SIM1: variants seen among roughly 807,000 people sequenced by gnomAD.
The protein encoded by SIM1 is single-minded homolog 1.
A neutral mutation model predicts 78.2 loss-of-function variants in SIM1; 18 were observed. The ratio of observed to expected loss-of-function variants is 0.23; its 90% CI spans 0.16 to 0.34. The LOEUF (loss-of-function observed/expected upper bound fraction) is 0.34, where lower values mean the gene tolerates loss of function less well. SIM1 is among the 10% of genes least tolerant of loss of function. The pLI is 1.00. For missense variants in SIM1, 939 were observed against 975.1 expected (o/e 0.96, Z 0.49); for synonymous variants, 417 against 385.2 (o/e 1.08, Z -0.97).
At chr6:100,410,286 C>T (rs1278300980) in intron 10 of SIM1, among the ~76,000 whole-genome samples, 1 of 152,078 alleles carries the variant, frequency 6.6e-6, no homozygotes, top group Non-Finnish European at 1.5e-5. Flanking sequence ...GTAGATTCAG[C>T]CATTCTCCTC....
chr6:100,448,658 G>A lies in SIM1; in HGVS notation c.564C>T (p.Tyr188=). 6.2e-7 allele frequency: 1 copy of A among 1,611,854 alleles called. No homozygotes were observed. Among genetic ancestry groups the A allele is most frequent in the Non-Finnish European group, 8.5e-7 (1 of 1,179,938 alleles). The change falls in exon 7 of 12, where the codon TAC becomes TAT. Residue 188 remains tyrosine, a synonymous_variant. Coordinates refer to ENST00000369208, the MANE Select transcript of SIM1 (RefSeq NM_005068.3). ...CCAGGCTGTACTGGCGGATCTTCAA[G>A]TAGCCGCTGCAGTGGATGACCTGAG... ...GGYKVIHCSG[Y]LKIRQYSLDM... is the part of the protein sequence containing the mutation.
At chr6:100,419,369 A>G (rs1771502436) in intron 10 of SIM1, among the ~76,000 whole-genome samples, 1 of 152,200 alleles carries the variant, frequency 6.6e-6, no homozygotes, top group Non-Finnish European at 1.5e-5. Context: ...TCTTAGAGGC[A>G]GAGACCATGT....
At chr6:100,450,150 T>A in intron 4 of SIM1, 117 bp downstream of exon 4, 1 of 785,578 alleles carries the variant, frequency 1.3e-6, no homozygotes, top group Non-Finnish European at 2.2e-6. Context: ...CTGCTAGCTG[T>A]GAGATGTCCA....
intron 2 of SIM1, among the ~76,000 whole-genome samples, chr6:100,460,505 T>C (rs1169318547): frequency 6.6e-6 from 1 of 152,222 alleles, no homozygotes; most frequent in African/African-American, 2.4e-5. Flanking sequence ...ATCCATATAT[T>C]ACCTGTGATA....
intron 10 of SIM1, among the ~76,000 whole-genome samples, chr6:100,412,546 GAAAGAAAGA>G (rs771911792): frequency 0.025 from 1,717 of 69,842 alleles, 132 homozygotes; most frequent in East Asian, 0.059. Flanking sequence ...AAGAAAGAAA[GAAAGAAAGA>G]AAAGAAAGAA....
At chr6:100,412,743 GAAAGAAAGAAAA>G (rs1386669801) in intron 10 of SIM1, among the ~76,000 whole-genome samples, 16 of 130,040 alleles carry the variant, frequency 1.2e-4, no homozygotes, top group Non-Finnish European at 1.3e-4. Context: ...AAGAAAGAAA[GAAAGAAAGAAAA>G]AAGAAAAGAA....
intron 10 of SIM1, among the ~76,000 whole-genome samples, chr6:100,396,588 T>C (rs1380991846): frequency 1.3e-5 from 2 of 152,014 alleles, no homozygotes; most frequent in Non-Finnish European, 2.9e-5. Context: ...CAGGCAGAAG[T>C]TGGGTGGTTC....
rs754541690 is a variant in SIM1, at chr6:100,390,408, C to T, written c.2254G>A (p.Ala752Thr). ...ACAGATGTTCCCTTGTGTCCTTGTG[C>T]TGGGTCTGGTTGCATCCTCAGATGG... ...TSHLRMQPDP[A>T]QGHKGTSVII... Residue 752 changes from alanine to threonine, a missense_variant, in exon 12 of 12, where the codon GCA becomes ACA. Physicochemically the swap from Ala to Thr is moderately conservative, Grantham distance 58. Coordinates refer to ENST00000369208, the MANE Select transcript of SIM1 (RefSeq NM_005068.3). 1 of 1,614,122 alleles carries T rather than the reference C, an allele frequency of 6.2e-7. No homozygotes were observed. Among genetic ancestry groups the T allele is most frequent in the South Asian group, 1.1e-5 (1 of 91,074 alleles).
chr6:100,411,981 G>C (rs1771202350), intron 10 of SIM1, among the ~76,000 whole-genome samples: 1 of 152,090 alleles, frequency 6.6e-6, no homozygotes, highest in Non-Finnish European at 1.5e-5. Context: ...TTCAGGTAGG[G>C]GACCAACAAG....
At chr6:100,413,547 C>G (rs1771318368) in intron 10 of SIM1, among the ~76,000 whole-genome samples, 1 of 152,142 alleles carries the variant, frequency 6.6e-6, no homozygotes. Context: ...GCGACTAAAT[C>G]TAGCCATCCA....
chr6:100,449,657 C>A lies in SIM1; in HGVS notation c.391G>T (p.Ala131Ser). ...ACCGCCGTCATCTCGTCGTGGTCTG[C>A]CGGGTGAATGTATTCATAAATGCTG... ...GNSIYEYIHP[A>S]DHDEMTAVLT... The change falls in exon 5 of 12, where the codon GCA becomes TCA. Residue 131 changes from alanine to serine, a missense_variant. By Grantham distance (99) the Ala-to-Ser change is moderately conservative. Transcript: ENST00000369208. 1 of 1,614,048 alleles carries A rather than the reference C, an allele frequency of 6.2e-7. No homozygotes were observed. Among genetic ancestry groups the A allele is most frequent in the Non-Finnish European group, 8.5e-7 (1 of 1,180,036 alleles).
At chr6:100,463,272 C>T (rs1446225431) in intron 2 of SIM1, 22 bp downstream of exon 2, 3 of 1,585,260 alleles carry the variant, frequency 1.9e-6, no homozygotes, top group Non-Finnish European at 2.6e-6. Flanking sequence ...CTTTGAAATT[C>T]CATCTGGGCA....
At chr6:100,424,057 CCCCACCCCCCT>C (rs1200084898) in intron 9 of SIM1, among the ~76,000 whole-genome samples, 2 of 139,594 alleles carry the variant, frequency 1.4e-5, no homozygotes, top group Non-Finnish European at 3.1e-5. Context: ...CACTTTCAGA[CCCCACCCCCCT>C]CCCACCCCCC....
At chr6:100,412,308 G>C (rs983745467) in intron 10 of SIM1, among the ~76,000 whole-genome samples, 1 of 151,894 alleles carries the variant, frequency 6.6e-6, no homozygotes, top group African/African-American at 2.4e-5. Context: ...AGGCCGAAGC[G>C]GGTGGATCAC....
In SIM1 at chr6:100,393,361, T is replaced by C. The variant is rs1329798183; in HGVS notation, c.1570+126A>G. The C allele has an allele frequency of 3.5e-6, 3 of 845,480 alleles. No homozygotes were observed. The Admixed American group carries it at 9.8e-5, about 28-fold the overall frequency. The allele number at this position is 845,480 out of a possible 1,614,324, so 52.4% of individuals were successfully genotyped here. On this transcript the variant is annotated intron_variant, in intron 11 of 11. Coordinates refer to ENST00000369208, the MANE Select transcript of SIM1 (RefSeq NM_005068.3). The stretch of plus-strand genomic sequence containing the variant: ...ATAACTGAGTGAACTTTGTTTTTAA[T>C]CCCATTGGTTCTGATTTGTAAATCA...
At chr6:100,457,223 T>C (rs1318215768) in intron 2 of SIM1, among the ~76,000 whole-genome samples, 2 of 152,248 alleles carry the variant, frequency 1.3e-5, no homozygotes, top group Non-Finnish European at 2.9e-5. Context: ...TTAAAATTTT[T>C]CTTTATTTTA....
rs1210271632 is a variant in SIM1 at position 100,405,139 on chromosome 6, C to T, written c.1168-11250G>A. On this transcript the variant is annotated intron_variant, in intron 10 of 11. Transcript: ENST00000369208. ...TATAATATGATTTCTAGACAAGTCTCACAAATTTTTAGCATTGGAAAAGAA... is the reference window on the plus strand; with the variant it reads ...TATAATATGATTTCTAGACAAGTCTTACAAATTTTTAGCATTGGAAAAGAA... Among the ~76,000 whole-genome samples, 6 of 151,904 alleles carry T rather than the reference C, an allele frequency of 3.9e-5. No individual in the cohort carries two copies. In the East Asian group the frequency reaches 1.2e-3, roughly 29 times the overall value.
chr6:100,389,767 A>G lies in SIM1; in HGVS notation c.*594T>C, dbSNP rs1770589654. The G allele has an allele frequency of 2.3e-5, 9 of 399,042 alleles. No individual in the cohort carries two copies. The highest frequency in any genetic ancestry group is 4.0e-5 in the Non-Finnish European group (9 of 226,182). The allele number at this position is 399,042 out of a possible 1,614,324, so 24.7% of individuals were successfully genotyped here. On this transcript the variant is annotated 3_prime_UTR_variant, in exon 12 of 12. Coordinates refer to ENST00000369208, the MANE Select transcript of SIM1 (RefSeq NM_005068.3). ...CCAGGTGAAAACTCATTTTTGCACC[A>G]TATCCAGAACCATTTCTCTAATTTA...
chr6:100,394,446 C>T (rs1770721727), intron 10 of SIM1, among the ~76,000 whole-genome samples: 1 of 152,144 alleles, frequency 6.6e-6, no homozygotes, highest in Admixed American at 6.5e-5. Context: ...GGCCCTGTCC[C>T]CCAGGCTGGA....
Sources: allele counts gnomAD v4.1 joint callset (sites outside exome capture counted in the v4.1 genomes callset), GRCh38; gene constraint gnomAD v4.1.1; transcripts MANE v1.5; gene names NCBI Gene and HGNC (gene_info 2026-07-23, HGNC 2026-07-21).